The following TMEM74 variants were observed in gnomAD, a reference collection of about 807,000 sequenced individuals.
TMEM74 encodes the protein transmembrane protein 74.
In TMEM74, 13 loss-of-function variants were observed where a neutral mutation model predicts 18.1. That is an observed-to-expected ratio of 0.72 (90% CI 0.47 to 1.14). The LOEUF is 1.14. Among genes scored for constraint, TMEM74 ranks in the 50% most tolerant of loss-of-function variants. The pLI, the probability that TMEM74 is intolerant of heterozygous loss-of-function variation, is 0.00. For synonymous variants in TMEM74, 159 were observed against 146.6 expected, an observed-to-expected ratio of 1.08 and a Z score of -0.61; for missense variants, 372 against 375.9, an observed-to-expected ratio of 0.99 and a Z score of 0.09.
chr8:108,770,717 GA>G (rs1011378899), intron 1 of TMEM74, among the ~76,000 whole-genome samples: 1 of 152,044 alleles, frequency 6.6e-6, no homozygotes, highest in Non-Finnish European at 1.5e-5. Context: ...CTCAGTTGTA[GA>G]AAAAAATATT....
chr8:108,688,605 G>A (rs2130605398), intron 1 of TMEM74, among the ~76,000 whole-genome samples: 1 of 152,256 alleles, frequency 6.6e-6, no homozygotes, highest in Middle Eastern at 3.4e-3. Flanking sequence ...AAACTACAGA[G>A]GATGTGCCTT....
chr8:108,785,070 C>T lies in TMEM74; in HGVS notation c.29G>A (p.Ser10Asn), dbSNP rs370688405. MELHYLAKK[S>N]NQADLCDARD... is the part of the protein sequence containing the mutation. ...GGCATCACAGAGGTCTGCCTGGTTG[C>T]TCTTCTTAGCAAGGTAGTGGAGCTC... The change falls in exon 2 of 2, where the codon AGC (serine) becomes AAC (asparagine). Residue 10 changes from serine to asparagine, a missense_variant. Ser to Asn is a conservative substitution (Grantham distance 46, BLOSUM62 1). Coordinates refer to ENST00000297459, the MANE Select transcript of TMEM74 (RefSeq NM_153015.3). The T allele has an allele frequency of 3.7e-6, 6 of 1,609,568 alleles. No homozygotes were observed. The highest frequency in any genetic ancestry group is 3.4e-6 in the Non-Finnish European group (4 of 1,178,286).
At chr8:108,739,380 C>T (rs755950544) in intron 1 of TMEM74, among the ~76,000 whole-genome samples, 28 of 152,122 alleles carry the variant, frequency 1.8e-4, no homozygotes, top group Non-Finnish European at 2.9e-4. Context: ...GTAAAACTGT[C>T]GTGTGCTGTA....
At chr8:108,625,028 T>C (rs1812480759) in intron 2 of TMEM74, among the ~76,000 whole-genome samples, 1 of 152,078 alleles carries the variant, frequency 6.6e-6, no homozygotes, top group South Asian at 2.1e-4. Context: ...TGCAGAGTTT[T>C]CCCACAGAAT....
At chr8:108,725,689 T>C (rs1813630488) in intron 1 of TMEM74, among the ~76,000 whole-genome samples, 1 of 152,032 alleles carries the variant, frequency 6.6e-6, no homozygotes, top group Admixed American at 6.6e-5. Context: ...TAGCTGAAAA[T>C]GAAATGAAAG....
intron 2 of TMEM74, among the ~76,000 whole-genome samples, chr8:108,609,129 A>AGTTAT (rs1812308717): frequency 6.6e-6 from 1 of 152,248 alleles, no homozygotes; most frequent in South Asian, 2.1e-4. Context: ...GGAGACAAAG[A>AGTTAT]GTTATACAGA....
chr8:108,740,997 G>A (rs1299699897), intron 1 of TMEM74, among the ~76,000 whole-genome samples: 4 of 152,090 alleles, frequency 2.6e-5, no homozygotes, highest in East Asian at 1.9e-4. Context: ...AGTGAAAATT[G>A]CCCATCAGTG....
intron 1 of TMEM74, among the ~76,000 whole-genome samples, chr8:108,768,985 A>G (rs555575384): frequency 6.6e-6 from 1 of 152,126 alleles, no homozygotes; most frequent in South Asian, 2.1e-4. Context: ...AACAATTTGG[A>G]AGAGGGAACA....
intron 1 of TMEM74, among the ~76,000 whole-genome samples, chr8:108,691,315 AC>A (rs1813228829): frequency 6.6e-6 from 1 of 152,170 alleles, no homozygotes; most frequent in Non-Finnish European, 1.5e-5. Flanking sequence ...CAGCACCTAA[AC>A]CGGGAGCTTG....
intron 2 of TMEM74, among the ~76,000 whole-genome samples, chr8:108,630,052 T>A (rs894281034): frequency 6.6e-6 from 1 of 151,818 alleles, no homozygotes; most frequent in African/African-American, 2.4e-5. Context: ...ATTGGATAAA[T>A]AATCAAGACC....
chr8:108,710,469 C>G (rs1191000612), intron 1 of TMEM74, among the ~76,000 whole-genome samples: 1 of 152,186 alleles, frequency 6.6e-6, no homozygotes, highest in African/African-American at 2.4e-5. Flanking sequence ...CACAACTAAG[C>G]CAACTGTTAT....
chr8:108,662,085 T>C (rs1482485129), intron 1 of TMEM74, among the ~76,000 whole-genome samples: 1 of 152,016 alleles, frequency 6.6e-6, no homozygotes, highest in Non-Finnish European at 1.5e-5. Flanking sequence ...GATTACCTTA[T>C]ACGCTAAAAA....
chr8:108,751,042 T>C (rs1186166053), intron 1 of TMEM74, among the ~76,000 whole-genome samples: 3 of 152,144 alleles, frequency 2.0e-5, no homozygotes, highest in Non-Finnish European at 4.4e-5. Flanking sequence ...CCCGTATGGA[T>C]TCACCACCAG....
At chr8:108,637,183 A>G (rs989376825) in intron 2 of TMEM74, among the ~76,000 whole-genome samples, 7 of 152,162 alleles carry the variant, frequency 4.6e-5, no homozygotes, top group African/African-American at 1.7e-4. Flanking sequence ...ATTGTTCCAT[A>G]TTATTTTAAT....
chr8:108,637,091 A>G (rs1014166464), intron 2 of TMEM74, among the ~76,000 whole-genome samples: 5 of 152,108 alleles, frequency 3.3e-5, no homozygotes, highest in African/African-American at 9.7e-5. Flanking sequence ...TACTCCTGCT[A>G]TTCTTGACAA....
intron 1 of TMEM74, among the ~76,000 whole-genome samples, chr8:108,726,760 C>G (rs927219471): frequency 2.0e-5 from 3 of 151,904 alleles, no homozygotes; most frequent in African/African-American, 7.3e-5. Context: ...GACAAACGAC[C>G]ATGTCCTTGT....
chr8:108,770,395 T>A (rs1434318480), intron 1 of TMEM74, among the ~76,000 whole-genome samples: 1 of 152,222 alleles, frequency 6.6e-6, no homozygotes, highest in South Asian at 2.1e-4. Context: ...CAAATTTGAA[T>A]GTTTTTATTG....
chr8:108,607,850 G>A (rs1215938421), intron 3 of TMEM74: 1 of 152,122 alleles, frequency 6.6e-6, no homozygotes, highest in Non-Finnish European at 1.5e-5. Context: ...TGTATGCTAT[G>A]TGTGATGAAA....
intron 2 of TMEM74, among the ~76,000 whole-genome samples, chr8:108,643,779 A>G (rs1812689233): frequency 2.0e-5 from 3 of 151,952 alleles, no homozygotes; most frequent in Admixed American, 2.0e-4. Flanking sequence ...ACAACCTAGG[A>G]ATACCTTTAA....
Sources: allele counts gnomAD v4.1 joint callset (sites outside exome capture counted in the v4.1 genomes callset), GRCh38; gene constraint gnomAD v4.1.1; transcripts MANE v1.5; gene names NCBI Gene and HGNC (gene_info 2026-07-23, HGNC 2026-07-21).